BUB1B: variants seen among roughly 807,000 people sequenced by gnomAD.
The protein encoded by BUB1B is BUB1 mitotic checkpoint serine/threonine kinase B, also known as mitotic checkpoint serine/threonine-protein kinase BUB1 beta.
BUB1B carries 86 observed loss-of-function variants against 137.7 expected under a neutral mutation model. The observed-to-expected ratio is 0.62, with a 90% confidence interval of 0.52 to 0.75. The LOEUF is 0.75. BUB1B is among the 30% of genes least tolerant of loss of function. The probability of loss-of-function intolerance (pLI) is 0.00; values close to 1 mark genes in which losing one functional copy is unlikely to be tolerated. For missense variants in BUB1B, 1,130 were observed against 1,236.9 expected (o/e 0.91, Z 1.30); for synonymous variants, 420 against 417.9 (o/e 1.00, Z -0.06).
At chr15:40,206,092 C>T (rs1414975619) in intron 14 of BUB1B, 92 bp from the exon 15 acceptor site, 1 of 1,313,500 alleles carries the variant, frequency 7.6e-7, no homozygotes, top group East Asian at 2.3e-5. Flanking sequence ...ATTTCTGTAC[C>T]CTGTGTCACT....
At chr15:40,217,437 C>T (rs1198509058) in intron 20 of BUB1B, 59 bp from the exon 21 acceptor site, 1 of 1,551,496 alleles carries the variant, frequency 6.4e-7, no homozygotes, top group African/African-American at 1.4e-5. Context: ...TAAAGACCAG[C>T]TATGCAGCTT....
intron 4 of BUB1B, 148 bp downstream of exon 4, chr15:40,170,829 T>A: frequency 3.7e-6 from 3 of 814,150 alleles, no homozygotes; most frequent in Non-Finnish European, 5.8e-6. Context: ...CAATACTTCT[T>A]AAATTGGTTC....
intron 15 of BUB1B, among the ~76,000 whole-genome samples, chr15:40,207,660 A>G (rs1225300059): frequency 6.6e-6 from 1 of 152,192 alleles, no homozygotes; most frequent in Non-Finnish European, 1.5e-5. Context: ...GCATAAATCC[A>G]GAAATGTATG....
At chr15:40,213,225 C>T in intron 19 of BUB1B, 107 bp from the exon 20 acceptor site, 3 of 1,249,552 alleles carry the variant, frequency 2.4e-6, no homozygotes, top group African/African-American at 3.0e-5. Flanking sequence ...GCCTACGTTC[C>T]AGTAGAGAAC....
chr15:40,177,370 C>A (rs2037234999), intron 5 of BUB1B, among the ~76,000 whole-genome samples: 1 of 152,084 alleles, frequency 6.6e-6, no homozygotes, highest in African/African-American at 2.4e-5. Context: ...TCACTTTTTA[C>A]ATTTAGATCC....
chr15:40,220,231 G>C (rs902191090), intron 22 of BUB1B, among the ~76,000 whole-genome samples: 1 of 152,186 alleles, frequency 6.6e-6, no homozygotes, highest in African/African-American at 2.4e-5. Flanking sequence ...TAATGACCTA[G>C]ACTCTAGGAA....
At chr15:40,185,063 G>A (rs1426639545) in intron 6 of BUB1B, 102 bp from the exon 7 acceptor site, 8 of 921,776 alleles carry the variant, frequency 8.7e-6, no homozygotes, top group African/African-American at 1.6e-5. Flanking sequence ...CTGTTGTAGT[G>A]GAAATACTGT....
At chr15:40,213,545 T>C in intron 20 of BUB1B, 71 bp downstream of exon 20, 1 of 1,569,526 alleles carries the variant, frequency 6.4e-7, no homozygotes, top group South Asian at 1.1e-5. Context: ...CTTTTTTTTT[T>C]CTTTTTTGAG....
intron 9 of BUB1B, 42 bp from the exon 10 acceptor site, chr15:40,199,573 T>C (rs866719060): frequency 1.3e-6 from 2 of 1,519,344 alleles, no homozygotes; most frequent in African/African-American, 2.7e-5. Context: ...CAGAATGAGT[T>C]ACTATGAGGA....
intron 6 of BUB1B, 112 bp from the exon 7 acceptor site, chr15:40,185,053 C>G: frequency 6.4e-5 from 36 of 564,898 alleles, no homozygotes; most frequent in Middle Eastern, 4.1e-4. Flanking sequence ...TTTTTTTTTT[C>G]TGTTGTAGTG....
chr15:40,183,975 T>TA (rs2037329007), intron 6 of BUB1B, 92 bp downstream of exon 6: 1 of 1,362,494 alleles, frequency 7.3e-7, no homozygotes. Context: ...TGTGGACACT[T>TA]CTAGTTTGCT....
At chr15:40,166,345 T>G (rs2037097653) in intron 2 of BUB1B, 1 of 441,896 alleles carries the variant, frequency 2.3e-6, no homozygotes, top group African/African-American at 2.1e-5. Context: ...CTCTCTTTTT[T>G]TTTTTTCTTT....
rs368714094 is a variant in BUB1B, at chr15:40,183,699, A to G, written c.582-15A>G. 1.1e-5 allele frequency: 18 copies of G among 1,613,774 alleles called. No homozygotes were observed. In the African/African-American group the frequency reaches 2.0e-4, roughly 18 times the overall value. On this transcript the variant is annotated splice_polypyrimidine_tract_variant and intron_variant, in intron 5 of 22. Coordinates refer to ENST00000287598, the MANE Select transcript of BUB1B (RefSeq NM_001211.6). ...GTGGTCACCTCACTAAAAGTTGTGC[A>G]TTCTGCTACTTTAGACAATTCCAAG...
Position 40,220,882 on chromosome 15 carries a change from CT to C in BUB1B, c.*128del, listed in dbSNP as rs1282008126. ...TAGATGCACTACCATTGCTGTTCTA[CT>C]TTTTGGTACAGGTATATTTTGACGT... On this transcript the variant is annotated 3_prime_UTR_variant, in exon 23 of 23. Coordinates refer to ENST00000287598, the MANE Select transcript of BUB1B (RefSeq NM_001211.6). The C allele has an allele frequency of 4.8e-6, 5 of 1,035,410 alleles. No individual in the cohort carries two copies. Among genetic ancestry groups the C allele is most frequent in the African/African-American group, 4.8e-5 (3 of 62,810 alleles). 64.1% of individuals were successfully genotyped at this position (1,035,410 alleles called of 1,614,324 possible).
chr15:40,199,291 A>T (rs920770067), intron 9 of BUB1B, among the ~76,000 whole-genome samples: 2 of 152,068 alleles, frequency 1.3e-5, no homozygotes, highest in Admixed American at 6.6e-5. Flanking sequence ...GTTGCCCCCA[A>T]ATTTGAATGT....
Position 40,183,886 on chromosome 15 carries a change from A to G in BUB1B, c.751+3A>G, listed in dbSNP as rs755587964. The stretch of plus-strand genomic sequence containing the variant: ...CCGTGTAGGAGGTGCTCTCAAGGGT[A>G]AGTTTGTTAAACGTTATTTCGGAAA... On this transcript the variant is annotated splice_donor_region_variant and intron_variant, in intron 6 of 22. Transcript: ENST00000287598. The G allele has an allele frequency of 9.9e-6, 16 of 1,613,778 alleles. No individual in the cohort carries two copies. Among genetic ancestry groups the G allele is most frequent in the Admixed American group, 1.7e-5 (1 of 59,992 alleles).
intron 21 of BUB1B, 69 bp downstream of exon 21, chr15:40,217,736 A>G: frequency 6.3e-7 from 1 of 1,575,780 alleles, no homozygotes; most frequent in Non-Finnish European, 8.7e-7. Flanking sequence ...TAGATAAGCT[A>G]TAAAAGCTAC....
intron 5 of BUB1B, among the ~76,000 whole-genome samples, chr15:40,179,657 A>T (rs1483517677): frequency 1.3e-5 from 2 of 151,950 alleles, no homozygotes; most frequent in Non-Finnish European, 2.9e-5. Context: ...TATTTGTTCC[A>T]TGCCTTTTGT....
At chr15:40,195,199 G>C (rs1267837204) in intron 8 of BUB1B, among the ~76,000 whole-genome samples, 1 of 150,926 alleles carries the variant, frequency 6.6e-6, no homozygotes, top group African/African-American at 2.4e-5. Context: ...TGTCCTTATA[G>C]CTTAGCTCCC....
Sources: gnomAD v4.1 joint callset for allele counts (sites outside exome capture counted in the v4.1 genomes callset) on GRCh38, gnomAD v4.1.1 for gene constraint, MANE v1.5 for transcripts, NCBI Gene and HGNC (gene_info 2026-07-23, HGNC 2026-07-21) for gene names.